The following GRIK4 variants were observed in gnomAD, a reference collection of about 807,000 sequenced individuals.
The protein encoded by GRIK4 is glutamate receptor ionotropic, kainate 4.
A neutral mutation model predicts 104.9 loss-of-function variants in GRIK4; 40 were observed. The ratio of observed to expected loss-of-function variants is 0.38; its 90% confidence interval spans 0.30 to 0.50. The LOEUF is 0.50. Ranked by LOEUF, GRIK4 falls within the 20% of genes least tolerant of loss-of-function variation. GRIK4 has a pLI of 0.93. For missense variants in GRIK4, 1,047 were observed against 1,308.1 expected (o/e 0.80, Z 3.08); for synonymous variants, 485 against 524.9 (o/e 0.92, Z 1.04).
intron 1 of GRIK4, among the ~76,000 whole-genome samples, chr11:120,604,779 G>A (rs1948937416): frequency 6.6e-6 from 1 of 152,198 alleles, no homozygotes; most frequent in South Asian, 2.1e-4. Context: ...GTCATCCAGA[G>A]AGCTTTAATA....
Position 120,952,786 on chromosome 11 carries a change from G to A in GRIK4, c.1591-69G>A, listed in dbSNP as rs968396627. The A allele has an allele frequency of 6.4e-5, 67 of 1,054,970 alleles. No homozygotes were observed. The highest frequency in any genetic ancestry group is 1.9e-4 in the Admixed American group (11 of 59,264). 65.4% of individuals were successfully genotyped at this position (1,054,970 alleles called of 1,614,324 possible). A position where few individuals can be genotyped will look rare whatever the true frequency, so the allele number is the denominator to read the frequency against. On this transcript the variant is annotated intron_variant, in intron 14 of 20. Coordinates refer to ENST00000527524, the MANE Select transcript of GRIK4 (RefSeq NM_014619.5). This position sits in a 1 kb window ranked among gnomAD's most constrained non-coding sequence, Gnocchi z 5.2. Reference sequence around the variant, plus strand: ...CCACACTCACTACCTCCTCTACCCCGCCCTGCCTGCCCCAAGGTCATGTTG... The same window carrying A: ...CCACACTCACTACCTCCTCTACCCCACCCTGCCTGCCCCAAGGTCATGTTG...
chr11:120,688,834 A>C (rs1764020436), intron 3 of GRIK4, among the ~76,000 whole-genome samples: 1 of 152,188 alleles, frequency 6.6e-6, no homozygotes, highest in African/African-American at 2.4e-5. Flanking sequence ...GCCCATATAT[A>C]TGCCAGAATG....
intron 3 of GRIK4, among the ~76,000 whole-genome samples, chr11:120,781,872 G>A (rs1175211509): frequency 6.6e-6 from 1 of 152,146 alleles, no homozygotes; most frequent in East Asian, 1.9e-4. Flanking sequence ...GTGACAACCT[G>A]TGTGTCCCTG....
chr11:120,969,758 G>A (rs1450246717), intron 19 of GRIK4, among the ~76,000 whole-genome samples: 3 of 152,200 alleles, frequency 2.0e-5, no homozygotes, highest in Non-Finnish European at 4.4e-5. Context: ...GCTTTCTAAA[G>A]TGGAAATGGA....
At chr11:120,582,131 G>A (rs1164727814) in intron 1 of GRIK4, among the ~76,000 whole-genome samples, 1 of 152,014 alleles carries the variant, frequency 6.6e-6, no homozygotes, top group Admixed American at 6.5e-5. Flanking sequence ...TTCACACTAA[G>A]AATAGTTTGT....
chr11:120,855,221 G>C (rs910250860), intron 8 of GRIK4, among the ~76,000 whole-genome samples: 1 of 152,160 alleles, frequency 6.6e-6, no homozygotes, highest in Non-Finnish European at 1.5e-5. Context: ...AGCTGCATTC[G>C]ACTGCCTGTT....
intron 8 of GRIK4, among the ~76,000 whole-genome samples, chr11:120,854,013 C>A (rs773165006): frequency 2.6e-5 from 4 of 152,212 alleles, no homozygotes; most frequent in Non-Finnish European, 5.9e-5. Flanking sequence ...TGCTCTTCTA[C>A]CACATGTGAA....
At chr11:120,835,534 A>AAACAAAC (rs1953552655) in intron 7 of GRIK4, among the ~76,000 whole-genome samples, 4 of 151,260 alleles carry the variant, frequency 2.6e-5, no homozygotes, top group African/African-American at 9.7e-5. Flanking sequence ...ACTCAAAGAA[A>AAACAAAC]AAACAAACAA....
At chr11:120,575,052 T>G (rs866825806) in intron 1 of GRIK4, among the ~76,000 whole-genome samples, 1 of 152,216 alleles carries the variant, frequency 6.6e-6, no homozygotes, top group Non-Finnish European at 1.5e-5. Flanking sequence ...CATAGCCTTC[T>G]AAGAGTTCTG....
chr11:120,582,855 T>A (rs1046486268), intron 1 of GRIK4, among the ~76,000 whole-genome samples: 3 of 152,210 alleles, frequency 2.0e-5, no homozygotes, highest in Non-Finnish European at 1.5e-5. Context: ...TAGAAAAATG[T>A]ATATTTCTTT....
In GRIK4 at chr11:120,939,192, A is replaced by G. The variant is rs1188024584; in HGVS notation, c.1477-1155A>G. Among the ~76,000 whole-genome samples, 1 of 152,212 alleles carries G rather than the reference A, an allele frequency of 6.6e-6. No homozygotes were observed. Among genetic ancestry groups the G allele is most frequent in the Non-Finnish European group, 1.5e-5 (1 of 68,028 alleles). ...AGGAAACAGACTTGCTTTCCACAGG[A>G]TTGATTTAAATTAGATACAAGGAAA... On this transcript the variant is annotated intron_variant, in intron 13 of 20. Transcript: ENST00000527524. This position sits in a 1 kb window ranked among gnomAD's most constrained non-coding sequence, Gnocchi z 5.6.
intron 1 of GRIK4, among the ~76,000 whole-genome samples, chr11:120,563,280 T>A (rs2136103706): frequency 6.6e-6 from 1 of 152,252 alleles, no homozygotes; most frequent in African/African-American, 2.4e-5. Context: ...TGTGGCCACT[T>A]GGAAGGCGGC....
At chr11:120,782,430 C>T (rs1015592359) in intron 3 of GRIK4, among the ~76,000 whole-genome samples, 4 of 152,080 alleles carry the variant, frequency 2.6e-5, no homozygotes, top group South Asian at 2.1e-4. Context: ...GGACTACAGG[C>T]GCCCACCACC....
chr11:120,649,408 G>T (rs1051852839), intron 1 of GRIK4, among the ~76,000 whole-genome samples: 1 of 152,192 alleles, frequency 6.6e-6, no homozygotes, highest in Non-Finnish European at 1.5e-5. Context: ...GATGTAGTGG[G>T]GTCTCCACCT....
At position 120,986,293 on chromosome 11, in the gene GRIK4, C is replaced by T. The variant is rs5016722; in HGVS notation, c.*33C>T. On this transcript the variant is annotated 3_prime_UTR_variant, in exon 21 of 21. Coordinates refer to ENST00000527524, the MANE Select transcript of GRIK4 (RefSeq NM_014619.5). ...GGCCACAGGACGCGCAGAGGCCGGG[C>T]GGGGCGGGAGGGGAGGGGCGGGGCG... The T allele has an allele frequency of 4.6e-5, 11 of 241,152 alleles. No homozygotes were observed. Among genetic ancestry groups the T allele is most frequent in the Non-Finnish European group, 8.8e-5 (11 of 124,922 alleles). 14.9% of individuals were successfully genotyped at this position (241,152 alleles called of 1,614,324 possible).
intron 3 of GRIK4, among the ~76,000 whole-genome samples, chr11:120,794,540 T>C (rs1952473825): frequency 6.6e-6 from 1 of 151,882 alleles, no homozygotes; most frequent in Non-Finnish European, 1.5e-5. Flanking sequence ...CCAGTTGGAC[T>C]TCTGTCTACA....
At position 120,513,867 on chromosome 11, in the gene GRIK4, G is replaced by A. The variant is rs568023385; in HGVS notation, c.-159+1980G>A. Among the ~76,000 whole-genome samples, 3 of 152,306 alleles carry A rather than the reference G, an allele frequency of 2.0e-5. No homozygotes were observed. Among genetic ancestry groups the A allele is most frequent in the Non-Finnish European group, 2.9e-5 (2 of 68,034 alleles). ...TACCTGGGCATCTTGATCGGTGGCT[G>A]CTGTCTTCCCCAGCAATGAAAATTC... On this transcript the variant is annotated intron_variant, in intron 1 of 20. Coordinates refer to ENST00000527524, the MANE Select transcript of GRIK4 (RefSeq NM_014619.5). The surrounding 1 kb of genome is among the most constrained non-coding windows in gnomAD (Gnocchi z 4.5).
chr11:120,750,286 CAT>C (rs1269173915), intron 3 of GRIK4, among the ~76,000 whole-genome samples: 1 of 150,320 alleles, frequency 6.7e-6, no homozygotes, highest in African/African-American at 2.4e-5. Flanking sequence ...ATTGCCAAGA[CAT>C]AGTCTTGGTA....
chr11:120,607,873 C>T lies in GRIK4; in HGVS notation c.-158-45812C>T, dbSNP rs369684256. ...GCCTGGCAAGTCAACTGAGGAGCAA[C>T]TGGAGAAGGTGGAGGGAAAAACGAG... On this transcript the variant is annotated intron_variant, in intron 1 of 20. Transcript: ENST00000527524. 2.0e-5 allele frequency among the ~76,000 whole-genome samples: 3 copies of T among 152,060 alleles called. No individual in the cohort carries two copies. The East Asian group carries it at 5.8e-4, about 29-fold the overall frequency.
Sources: allele counts gnomAD v4.1 joint callset (sites outside exome capture counted in the v4.1 genomes callset), GRCh38; gene constraint gnomAD v4.1.1; non-coding constraint Gnocchi (gnomAD v3.1); transcripts MANE v1.5; gene names NCBI Gene and HGNC (gene_info 2026-07-23, HGNC 2026-07-21).